Variants in SHISA5 observed in about 807,000 individuals in gnomAD.
SHISA5 encodes the protein protein shisa-5.
SHISA5 carries 21 observed loss-of-function variants against 27.5 expected under a neutral mutation model. The ratio of observed to expected loss-of-function variants is 0.76; its 90% confidence interval spans 0.54 to 1.10. The LOEUF is 1.10. Among genes scored for constraint, SHISA5 ranks in the 50% least tolerant of loss-of-function variants. The pLI is 0.00. For synonymous variants in SHISA5, 137 were observed against 142.2 expected (o/e 0.96, Z 0.26); for missense variants, 314 against 336.3 (o/e 0.93, Z 0.52).
chr3:48,498,976 G>A (rs951338229), intron 2 of SHISA5, among the ~76,000 whole-genome samples: 25 of 151,574 alleles, frequency 1.6e-4, no homozygotes, highest in African/African-American at 5.1e-4. Flanking sequence ...CAGCTACTCA[G>A]GAGGCTGAGG....
chr3:48,501,455 T>TC (rs1196702290), intron 1 of SHISA5, among the ~76,000 whole-genome samples, 162 bp from the exon 2 acceptor site: 1 of 151,686 alleles, frequency 6.6e-6, no homozygotes, highest in Non-Finnish European at 1.5e-5. Context: ...TGGCCACTGC[T>TC]CCCCCTCAGC....
At chr3:48,484,423 C>G (rs1436846077) in intron 2 of SHISA5, among the ~76,000 whole-genome samples, 1 of 151,928 alleles carries the variant, frequency 6.6e-6, no homozygotes, top group African/African-American at 2.4e-5. Flanking sequence ...TGGTGAAACC[C>G]TGTCTCTACT....
intron 2 of SHISA5, among the ~76,000 whole-genome samples, chr3:48,489,621 CTTTTTT>C (rs58568695): frequency 3.7e-5 from 3 of 80,880 alleles, no homozygotes; most frequent in African/African-American, 5.9e-5. Flanking sequence ...TGCGCCTGGC[CTTTTTT>C]TTTTTTTTTT....
rs1194286408 is a variant in SHISA5, at chr3:48,504,057, G to A, written c.38C>T (p.Pro13Leu). ...APVPAPRILL[P>L]LLLLLLLTPP... ...CGTTAGCAGCAGCAGCAACAGCAAC[G>A]GCAACAGGATCCGCGGCGCGGGGAC... The change falls in exon 1 of 6, where the codon CCG (proline) becomes CTG (leucine). Residue 13 changes from proline (P) to leucine (L), a missense_variant. Pro to Leu is a moderately conservative substitution (Grantham distance 98, BLOSUM62 -3). Transcript: ENST00000296444. This position sits in a 1 kb window ranked among gnomAD's most constrained non-coding sequence, Gnocchi z 4.0. The A allele has an allele frequency of 3.5e-6, 5 of 1,444,438 alleles. No homozygotes were observed. Among genetic ancestry groups the A allele is most frequent in the Middle Eastern group, 1.8e-4 (1 of 5,510 alleles). 89.5% of individuals were successfully genotyped at this position (1,444,438 alleles called of 1,614,324 possible).
intron 3 of SHISA5, chr3:48,477,104 G>GAAAAAAAAA: frequency 3.1e-6 from 1 of 327,438 alleles, no homozygotes; most frequent in South Asian, 2.1e-5. Flanking sequence ...ATAACATTGA[G>GAAAAAAAAA]AAAAAAAAAA....
At chr3:48,475,127 A>G (rs1168679555) in intron 3 of SHISA5, among the ~76,000 whole-genome samples, 1 of 152,162 alleles carries the variant, frequency 6.6e-6, no homozygotes, top group East Asian at 1.9e-4. Flanking sequence ...TTTTTGCATA[A>G]TGTTGTGAAT....
rs991711870 is a variant in SHISA5 at position 48,477,403 on chromosome 3, T to TAAAAACA, written c.314+1767_314+1773dup. On this transcript the variant is annotated intron_variant, in intron 3 of 5. Coordinates refer to ENST00000296444, the MANE Select transcript of SHISA5 (RefSeq NM_016479.6). ...TAGCCACCACGCCCGGCCTCCCTTT[T>TAAAAACA]AAAAACAAAAAACAAAAAACACGGG... is the stretch of plus-strand genomic sequence containing the variant. Among the ~76,000 whole-genome samples, 9 of 152,000 alleles carry TAAAAACA rather than the reference T, an allele frequency of 5.9e-5. No individual in the cohort carries two copies. The East Asian group carries it at 1.4e-3, about 23-fold the overall frequency.
In SHISA5 at chr3:48,473,220, A is replaced by G; in HGVS notation, c.315-3377T>C. The G allele has an allele frequency of 7.0e-7, 1 of 1,427,626 alleles. No individual in the cohort carries two copies. The highest frequency in any genetic ancestry group is 9.1e-7 in the Non-Finnish European group (1 of 1,094,480). 88.4% of individuals were successfully genotyped at this position (1,427,626 alleles called of 1,614,324 possible). On this transcript the variant is annotated intron_variant, in intron 3 of 5. Transcript: ENST00000296444. The surrounding 1 kb of genome is among the most constrained non-coding windows in gnomAD (Gnocchi z 4.3). ...GGATGGCCCCGCCCAGCAGCCGGCTAGCAGCCAAGGAGCCAAGGGGCGGGG... is the reference window on the plus strand; with the variant it reads ...GGATGGCCCCGCCCAGCAGCCGGCTGGCAGCCAAGGAGCCAAGGGGCGGGG...
At chr3:48,482,216 G>T (rs2041047946) in intron 2 of SHISA5, among the ~76,000 whole-genome samples, 1 of 151,466 alleles carries the variant, frequency 6.6e-6, no homozygotes, top group African/African-American at 2.4e-5. Flanking sequence ...GCAAACCAAA[G>T]CTAATAGACT....
At position 48,469,738 on chromosome 3, in the gene SHISA5, G is replaced by A. The variant is rs572497811; in HGVS notation, c.420C>T (p.Arg140=). The A allele has an allele frequency of 7.4e-5, 119 of 1,613,964 alleles. No individual in the cohort carries two copies. Among genetic ancestry groups the A allele is most frequent in the Admixed American group, 1.5e-4 (9 of 59,976 alleles). ...GGTGGGCACGCTTACGACGTGGTCG[G>A]CGGCACGTCTTGTAAAGGCAGCAGC... ...CSCCCLYKTC[R]RPRPVVTTTT... The change falls in exon 4 of 6, where the codon CGC becomes CGT. Residue 140 remains arginine (R), a synonymous_variant. Transcript: ENST00000296444. The surrounding 1 kb of genome is among the most constrained non-coding windows in gnomAD (Gnocchi z 4.6).
chr3:48,479,322 C>A, intron 2 of SHISA5, 65 bp from the exon 3 acceptor site: 2 of 1,460,272 alleles, frequency 1.4e-6, no homozygotes, highest in Admixed American at 2.0e-5. Context: ...CAAACACTAC[C>A]TTAGGGCACC....
At position 48,469,721 on chromosome 3, in the gene SHISA5, C is replaced by A; in HGVS notation, c.430+7G>T. ...GGGTCACAGTGGGGCAGGGTGGGCACGCTTACGACGTGGTCGGCGGCACGT... is the reference window on the plus strand; with the variant it reads ...GGGTCACAGTGGGGCAGGGTGGGCAAGCTTACGACGTGGTCGGCGGCACGT... On this transcript the variant is annotated splice_region_variant and intron_variant, in intron 4 of 5. Coordinates refer to ENST00000296444, the MANE Select transcript of SHISA5 (RefSeq NM_016479.6). This position sits in a 1 kb window ranked among gnomAD's most constrained non-coding sequence, Gnocchi z 4.6. 2 of 1,613,872 alleles carry A rather than the reference C, an allele frequency of 1.2e-6. No individual in the cohort carries two copies. The highest frequency in any genetic ancestry group is 1.7e-6 in the Non-Finnish European group (2 of 1,179,874).
intron 3 of SHISA5, among the ~76,000 whole-genome samples, chr3:48,474,340 A>ATT (rs1420781911): frequency 6.9e-6 from 1 of 144,796 alleles, no homozygotes; most frequent in Non-Finnish European, 1.5e-5. Context: ...TTTTAATTTA[A>ATT]TTTTTTTTTT....
chr3:48,469,783 G>A lies in SHISA5; in HGVS notation c.375C>T (p.Ile125=), dbSNP rs750683616. ...TIFVLSVVTI[I]ICFTCSCCCL... ...AGCAGCAGGAGCAGGTGAAGCAGAT[G>A]ATGATAGTGACGACAGACAGCACAA... The change falls in exon 4 of 6, where the codon ATC becomes ATT. Residue 125 remains isoleucine (I), a synonymous_variant. Transcript: ENST00000296444. The surrounding 1 kb of genome is among the most constrained non-coding windows in gnomAD (Gnocchi z 4.6). 6.1e-5 allele frequency: 99 copies of A among 1,614,008 alleles called. No individual in the cohort carries two copies. The highest frequency in any genetic ancestry group is 4.9e-4 in the Middle Eastern group (3 of 6,084).
chr3:48,485,294 A>C (rs1260708269), intron 2 of SHISA5, among the ~76,000 whole-genome samples: 1 of 151,880 alleles, frequency 6.6e-6, no homozygotes, highest in Non-Finnish European at 1.5e-5. Context: ...TCAGGAGTTC[A>C]AGACCAGCCT....
intron 2 of SHISA5, among the ~76,000 whole-genome samples, chr3:48,481,470 A>ATAAAATAAAATAAAATAAAATAAAC (rs1000638238): frequency 5.1e-4 from 77 of 151,742 alleles, no homozygotes; most frequent in African/African-American, 1.8e-3. Flanking sequence ...ATAAAATAAA[A>ATAAAATAAAATAAAATAAAATAAAC]TAAACTCAAG....
At chr3:48,500,405 T>C (rs1475239625) in intron 2 of SHISA5, among the ~76,000 whole-genome samples, 1 of 152,086 alleles carries the variant, frequency 6.6e-6, no homozygotes, top group Non-Finnish European at 1.5e-5. Flanking sequence ...GAGGATGGCT[T>C]GAGCCCAGGA....
upstream of SHISA5, chr3:48,504,534 C>G (rs1372552739): frequency 6.4e-6 from 1 of 157,358 alleles, no homozygotes; most frequent in Non-Finnish European, 1.4e-5. This position sits in a 1 kb window ranked among gnomAD's most constrained non-coding sequence, Gnocchi z 4.0. Context: ...ACAGCCACAG[C>G]CATCCCTCCC....
At chr3:48,494,574 G>A (rs2041501056) in intron 2 of SHISA5, among the ~76,000 whole-genome samples, 1 of 147,614 alleles carries the variant, frequency 6.8e-6, no homozygotes, top group Non-Finnish European at 1.5e-5. Context: ...GATTACAGGC[G>A]TGAGCCACTG....
Sources: gnomAD v4.1 joint callset for allele counts (sites outside exome capture counted in the v4.1 genomes callset) on GRCh38, gnomAD v4.1.1 for gene constraint, Gnocchi (gnomAD v3.1) non-coding constraint, MANE v1.5 for transcripts, NCBI Gene and HGNC (gene_info 2026-07-23, HGNC 2026-07-21) for gene names.